Variants in SLC39A11 observed in about 807,000 individuals in gnomAD.
The protein encoded by SLC39A11 is zinc transporter ZIP11.
SLC39A11 carries 33 observed loss-of-function variants against 36.1 expected under a neutral mutation model. That is an observed-to-expected ratio of 0.91 (90% confidence interval 0.69 to 1.22). The LOEUF (loss-of-function observed/expected upper bound fraction) is 1.22. Ranked by LOEUF, SLC39A11 falls within the 50% of genes most tolerant of loss-of-function variation. The pLI is 0.00. For synonymous variants in SLC39A11, 166 were observed against 170.3 expected, an observed-to-expected ratio of 0.97 and a Z score of 0.20; for missense variants, 432 against 430.3, an observed-to-expected ratio of 1.00 and a Z score of -0.03.
chr17:72,827,786 A>C (rs926360727), intron 6 of SLC39A11, among the ~76,000 whole-genome samples: 9 of 152,262 alleles, frequency 5.9e-5, no homozygotes, highest in African/African-American at 1.7e-4. Flanking sequence ...GGAAGTTAGC[A>C]TAAGACTATC....
At position 72,646,066 on chromosome 17, in the gene SLC39A11, A is replaced by G. The variant is rs540750133; in HGVS notation, c.*1518T>C. The stretch of plus-strand genomic sequence containing the variant: ...AGACATAAAAATAAAACATACATAC[A>G]CCAACCACCACACCAGTTAATCTCA... On this transcript the variant is annotated 3_prime_UTR_variant, in exon 10 of 10. Transcript: ENST00000255559. 1 of 152,762 alleles carries G rather than the reference A, an allele frequency of 6.5e-6. No homozygotes were observed. The highest frequency in any genetic ancestry group is 1.9e-4 in the East Asian group (1 of 5,190). 9.5% of individuals were successfully genotyped at this position (152,762 alleles called of 1,614,324 possible).
chr17:72,743,621 CAG>C (rs2074809192), intron 6 of SLC39A11, among the ~76,000 whole-genome samples: 1 of 152,070 alleles, frequency 6.6e-6, no homozygotes, highest in African/African-American at 2.4e-5. Flanking sequence ...TGTCTGAAAA[CAG>C]AGGTGATCCC....
At chr17:73,036,263 T>A (rs769582717) in intron 3 of SLC39A11, among the ~76,000 whole-genome samples, 7 of 152,170 alleles carry the variant, frequency 4.6e-5, no homozygotes, top group Admixed American at 3.9e-4. Flanking sequence ...CACTTTTAGA[T>A]TGATAGCAAA....
intron 6 of SLC39A11, among the ~76,000 whole-genome samples, chr17:72,773,494 A>G (rs2466504): frequency 6.6e-6 from 1 of 152,048 alleles, no homozygotes; most frequent in Non-Finnish European, 1.5e-5. Context: ...CCCTGTAAGA[A>G]GTGCCTTTCA....
chr17:73,027,071 G>A lies in SLC39A11; in HGVS notation c.306+4485C>T, dbSNP rs182671025. 1.3e-3 allele frequency among the ~76,000 whole-genome samples: 193 copies of A among 151,920 alleles called. 1 individual carries two copies. The highest frequency in any genetic ancestry group is 2.6e-3 in the African/African-American group (109 of 41,414). ...CAGGAGGTCAAGGCTACAGTAAGCC[G>A]CGATCATGCCACTGCACTCCAGCCT... is the stretch of plus-strand genomic sequence containing the variant. On this transcript the variant is annotated intron_variant, in intron 4 of 9. Transcript: ENST00000255559.
intron 6 of SLC39A11, among the ~76,000 whole-genome samples, chr17:72,798,666 T>G (rs1245195537): frequency 6.6e-6 from 1 of 151,938 alleles, no homozygotes. Flanking sequence ...ATTACAGGCA[T>G]GAACCACCAC....
chr17:73,048,485 CTG>C (rs2059393697), intron 3 of SLC39A11, among the ~76,000 whole-genome samples: 2 of 152,192 alleles, frequency 1.3e-5, no homozygotes, highest in South Asian at 4.1e-4. Context: ...GTGAATAACG[CTG>C]TGATGAACAC....
intron 5 of SLC39A11, among the ~76,000 whole-genome samples, chr17:72,937,220 C>T (rs1448108199): frequency 6.6e-6 from 1 of 152,162 alleles, no homozygotes; most frequent in Non-Finnish European, 1.5e-5. Flanking sequence ...GCGGGTGGAT[C>T]GCCTGAGCTC....
At chr17:72,958,097 C>CA (rs1200728830) in intron 4 of SLC39A11, among the ~76,000 whole-genome samples, 2 of 152,158 alleles carry the variant, frequency 1.3e-5, no homozygotes, top group African/African-American at 4.8e-5. Flanking sequence ...ACAAAGCCAA[C>CA]AAAAACATAA....
At chr17:73,050,886 TGCA>T (rs1221244949) in intron 3 of SLC39A11, among the ~76,000 whole-genome samples, 1 of 152,122 alleles carries the variant, frequency 6.6e-6, no homozygotes, top group Admixed American at 6.5e-5. Context: ...GTGTCATCAG[TGCA>T]GGTGAGGAAA....
intron 6 of SLC39A11, among the ~76,000 whole-genome samples, chr17:72,764,634 C>T (rs1161014176): frequency 2.6e-5 from 4 of 152,114 alleles, no homozygotes; most frequent in East Asian, 1.9e-4. Flanking sequence ...TGGCTGCACC[C>T]GGTGAGGGCT....
chr17:72,828,171 C>T (rs371252412), intron 6 of SLC39A11, among the ~76,000 whole-genome samples: 2 of 152,164 alleles, frequency 1.3e-5, no homozygotes, highest in Non-Finnish European at 2.9e-5. Flanking sequence ...CTGAATATGC[C>T]GTGTGGCATG....
intron 6 of SLC39A11, among the ~76,000 whole-genome samples, chr17:72,754,051 TACACACACACACACAC>T (rs58802713): frequency 1.2e-4 from 13 of 108,058 alleles, no homozygotes; most frequent in South Asian, 3.2e-4. Context: ...TATATACACA[TACACACACACACACAC>T]ACACACACAC....
At chr17:72,977,296 T>C (rs2087926216) in intron 4 of SLC39A11, among the ~76,000 whole-genome samples, 1 of 152,154 alleles carries the variant, frequency 6.6e-6, no homozygotes, top group African/African-American at 2.4e-5. Context: ...CCCTGCTGTA[T>C]CCTGCCAGCA....
chr17:72,896,177 T>A (rs114820258), intron 5 of SLC39A11, among the ~76,000 whole-genome samples: 49 of 150,220 alleles, frequency 3.3e-4, no homozygotes, highest in Admixed American at 1.3e-3. Context: ...CATTTGGGGA[T>A]TGTTCACATT....
chr17:72,973,292 C>A (rs1156619276), intron 4 of SLC39A11, among the ~76,000 whole-genome samples: 1 of 140,598 alleles, frequency 7.1e-6, no homozygotes. Flanking sequence ...AGCCATCCAG[C>A]GGGTACAGTG....
intron 4 of SLC39A11, among the ~76,000 whole-genome samples, chr17:72,949,109 G>T (rs1173033537): frequency 7.5e-6 from 1 of 134,008 alleles, no homozygotes; most frequent in East Asian, 2.5e-4. Context: ...TGTCTGTTCA[G>T]GCTGCCATAA....
chr17:72,701,727 C>CAAAAA (rs57220008), intron 7 of SLC39A11, among the ~76,000 whole-genome samples: 28 of 88,822 alleles, frequency 3.2e-4, no homozygotes, highest in African/African-American at 5.7e-4. Context: ...GATTCTGTCT[C>CAAAAA]AAAAAAAAAA....
chr17:73,004,831 C>G (rs1207662601), intron 4 of SLC39A11, among the ~76,000 whole-genome samples: 4 of 152,186 alleles, frequency 2.6e-5, no homozygotes, highest in Admixed American at 2.6e-4. Flanking sequence ...GGCCCATTCC[C>G]TTGGGAATAT....
Sources: allele counts gnomAD v4.1 joint callset (sites outside exome capture counted in the v4.1 genomes callset), GRCh38; gene constraint gnomAD v4.1.1; transcripts MANE v1.5; gene names NCBI Gene and HGNC (gene_info 2026-07-23, HGNC 2026-07-21).